CD226: variants seen among roughly 807,000 people sequenced by gnomAD.
The protein encoded by CD226 is CD226 molecule, also known as CD226 antigen.
A neutral mutation model predicts 34.9 loss-of-function variants in CD226; 24 were observed. That is an observed-to-expected ratio of 0.69 (90% CI 0.50 to 0.97). CD226 has a LOEUF of 0.97. Ranked by LOEUF, CD226 falls within the 50% of genes least tolerant of loss-of-function variation. The pLI, the probability that CD226 is intolerant of heterozygous loss-of-function variation, is 0.00. For synonymous variants in CD226, 148 were observed against 147.4 expected (o/e 1.00, Z -0.03); for missense variants, 397 against 412.7 (o/e 0.96, Z 0.33).
Position 69,947,416 on chromosome 18 carries a change from CTGTT to C in CD226, c.-14_-11del. 6.3e-7 allele frequency: 1 copy of C among 1,576,956 alleles called. No homozygotes were observed. The highest frequency in any genetic ancestry group is 8.6e-7 in the Non-Finnish European group (1 of 1,162,994). On this transcript the variant is annotated 5_prime_UTR_variant, in exon 1 of 6. Transcript: ENST00000582621. ...AAGTAGGATAATCCATCTCTGGAAACTGTTTGAAAGGCTGGTTCTATTAAAAAAA... is the reference window on the plus strand; with the variant it reads ...AAGTAGGATAATCCATCTCTGGAAACTGAAAGGCTGGTTCTATTAAAAAAA...
chr18:69,911,651 GAA>G (rs2055326834), intron 2 of CD226, among the ~76,000 whole-genome samples: 1 of 152,090 alleles, frequency 6.6e-6, no homozygotes, highest in African/African-American at 2.4e-5. Flanking sequence ...AATGAGGCCA[GAA>G]TTCTCAACTC....
At chr18:69,903,501 T>C (rs1049362439) in intron 2 of CD226, among the ~76,000 whole-genome samples, 2 of 152,184 alleles carry the variant, frequency 1.3e-5, no homozygotes, top group African/African-American at 4.8e-5. Context: ...AACATTCCTA[T>C]GGTGAAGTCC....
upstream of CD226, among the ~76,000 whole-genome samples, chr18:69,950,074 A>T (rs546132472): frequency 2.6e-5 from 4 of 151,636 alleles, no homozygotes; most frequent in Non-Finnish European, 5.9e-5. Flanking sequence ...ACTCACACAC[A>T]TGCACACACG....
At position 69,946,767 on chromosome 18, in the gene CD226, T is replaced by C. The variant is rs775071236; in HGVS notation, c.349A>G (p.Thr117Ala). Residue 117 changes from threonine (T) to alanine (A), a missense_variant, in exon 2 of 6, where the codon ACT (threonine) becomes GCT (alanine). By Grantham distance (58) the Thr-to-Ala change is moderately conservative. Transcript: ENST00000582621. ...SCSLYTYPQG[T>A]WQKVIQVVQS... ...ACCACCTGTATCACCTTCTGCCAAG[T>C]TCCCTGTGGGTAAGTGTAAAGAGAG... is the stretch of plus-strand genomic sequence containing the variant. The C allele has an allele frequency of 1.9e-6, 3 of 1,613,426 alleles. No homozygotes were observed. The African/African-American group carries it at 4.0e-5, about 22-fold the overall frequency.
rs770441396 is a variant in CD226, at chr18:69,880,135, GAAGA to G, written c.728-6893_728-6890del. Reference sequence around the variant, plus strand: ...TGTGAGAACTTTTGTTTCAGTAAAAGAAGAAAGAAAGAAAGGAGAGAGAGAGAGA... The same window carrying G: ...TGTGAGAACTTTTGTTTCAGTAAAAGAAGAAAGAAAGGAGAGAGAGAGAGA... On this transcript the variant is annotated intron_variant, in intron 3 of 5. Coordinates refer to ENST00000582621, the MANE Select transcript of CD226 (RefSeq NM_001303618.2). Among the ~76,000 whole-genome samples, 645 of 151,198 alleles carry G rather than the reference GAAGA, an allele frequency of 4.3e-3. 18 individuals are homozygous for G. Among genetic ancestry groups the G allele is most frequent in the Admixed American group, 0.039 (586 of 15,090 alleles).
At chr18:69,880,814 G>C (rs2145208405) in intron 3 of CD226, among the ~76,000 whole-genome samples, 1 of 152,160 alleles carries the variant, frequency 6.6e-6, no homozygotes, top group East Asian at 1.9e-4. Flanking sequence ...ACAATGCCCA[G>C]CTAATTTTTA....
At position 69,864,428 on chromosome 18, in the gene CD226, G is replaced by A. The variant is rs1240807030; in HGVS notation, c.897C>T (p.Asn299=). ...ESWDTQKAPN[N]YRSPISTSQP... ...GACTGGTAGAGATGGGACTTCTATAGTTATTGGGTGCCTAGAAAGACAAAC... is the reference window on the plus strand; with the variant it reads ...GACTGGTAGAGATGGGACTTCTATAATTATTGGGTGCCTAGAAAGACAAAC... Residue 299 remains asparagine (N), a synonymous_variant, in exon 6 of 6, where the codon AAC becomes AAT. Transcript: ENST00000582621. 2.5e-6 allele frequency: 4 copies of A among 1,613,130 alleles called. No individual in the cohort carries two copies. The highest frequency in any genetic ancestry group is 3.4e-6 in the Non-Finnish European group (4 of 1,179,456).
chr18:69,870,254 AAC>A (rs1460538193), intron 4 of CD226, among the ~76,000 whole-genome samples: 1 of 151,060 alleles, frequency 6.6e-6, no homozygotes, highest in East Asian at 2.0e-4. Flanking sequence ...ACATCTATAG[AAC>A]ACAGTTTGGC....
chr18:69,959,761 C>T (rs887880348), upstream of CD226, among the ~76,000 whole-genome samples: 8 of 152,156 alleles, frequency 5.3e-5, no homozygotes, highest in African/African-American at 1.4e-4. Context: ...TATGATGAAA[C>T]GTGCTGCTGA....
intron 3 of CD226, among the ~76,000 whole-genome samples, chr18:69,883,864 G>C (rs1984408023): frequency 2.0e-5 from 3 of 152,184 alleles, no homozygotes; most frequent in African/African-American, 7.2e-5. Context: ...CAGGATCTGG[G>C]ATTTGCTGGA....
chr18:69,907,926 A>G (rs75554440), intron 2 of CD226, among the ~76,000 whole-genome samples: 5,292 of 152,140 alleles, frequency 0.035, 321 homozygotes, highest in African/African-American at 0.12. Flanking sequence ...ATTATTACAC[A>G]TTATATTTAT....
At chr18:69,958,396 C>G (rs912032619), upstream of CD226, among the ~76,000 whole-genome samples, 1 of 152,086 alleles carries the variant, frequency 6.6e-6, no homozygotes, top group African/African-American at 2.4e-5. Flanking sequence ...TCCAATCTGC[C>G]ATCGTTGGGG....
chr18:69,925,973 T>C (rs914466952), intron 2 of CD226, among the ~76,000 whole-genome samples: 1 of 151,978 alleles, frequency 6.6e-6, no homozygotes. Flanking sequence ...TGATACCCCA[T>C]CTCTACCAAA....
chr18:69,864,518 C>A, intron 5 of CD226, 79 bp from the exon 6 acceptor site: 1 of 1,402,418 alleles, frequency 7.1e-7, no homozygotes, highest in South Asian at 1.3e-5. Context: ...ACATACCTCT[C>A]ATAAATGCAG....
intron 3 of CD226, among the ~76,000 whole-genome samples, chr18:69,876,345 A>T (rs560146250): frequency 6.6e-6 from 1 of 152,324 alleles, no homozygotes; most frequent in African/African-American, 2.4e-5. Context: ...TATGAATTTA[A>T]CAGTATAACC....
chr18:69,866,119 C>A (rs776676650), intron 5 of CD226, among the ~76,000 whole-genome samples: 7 of 152,192 alleles, frequency 4.6e-5, no homozygotes, highest in Non-Finnish European at 1.0e-4. Flanking sequence ...AAAGAGGAAG[C>A]AAGCTCTTCT....
chr18:69,866,894 C>T (rs1272728943), intron 5 of CD226, among the ~76,000 whole-genome samples: 1 of 152,106 alleles, frequency 6.6e-6, no homozygotes, highest in Non-Finnish European at 1.5e-5. Context: ...GATGTGTCTA[C>T]CAGCCAAGGA....
At chr18:69,884,794 T>A (rs1050833631) in intron 3 of CD226, among the ~76,000 whole-genome samples, 2 of 152,212 alleles carry the variant, frequency 1.3e-5, no homozygotes, top group Admixed American at 1.3e-4. Flanking sequence ...GTGACAAATG[T>A]CTGACAAGCC....
intron 2 of CD226, among the ~76,000 whole-genome samples, chr18:69,945,782 A>C (rs1437510807): frequency 6.6e-6 from 1 of 152,158 alleles, no homozygotes; most frequent in Non-Finnish European, 1.5e-5. Flanking sequence ...TTACAAAAGA[A>C]AGAGGTTTAA....
Sources: allele counts gnomAD v4.1 joint callset (sites outside exome capture counted in the v4.1 genomes callset), GRCh38; gene constraint gnomAD v4.1.1; transcripts MANE v1.5; gene names NCBI Gene and HGNC (gene_info 2026-07-23, HGNC 2026-07-21).